Variants in HCN1 observed in about 807,000 individuals in gnomAD.
The protein encoded by HCN1 is hyperpolarization activated cyclic nucleotide gated potassium channel 1.
A neutral mutation model predicts 78.9 loss-of-function variants in HCN1; 13 were observed. That is an observed-to-expected ratio of 0.16 (90% confidence interval 0.11 to 0.26). HCN1 has a LOEUF of 0.26. HCN1 is among the 10% of genes least tolerant of loss of function. The pLI is 1.00. For missense variants in HCN1, 810 were observed against 1,154.3 expected, an observed-to-expected ratio of 0.70 and a Z score of 4.32; for synonymous variants, 552 against 455.5, an observed-to-expected ratio of 1.21 and a Z score of -2.70.
At chr5:45,684,577 T>A (rs533854659) in intron 1 of HCN1, among the ~76,000 whole-genome samples, 3 of 152,220 alleles carry the variant, frequency 2.0e-5, no homozygotes, top group African/African-American at 7.2e-5. Context: ...ACTAATCAAA[T>A]AGGCCAGGCA....
chr5:45,498,280 C>A lies in HCN1; in HGVS notation c.850-36273G>T, dbSNP rs532767290. On this transcript the variant is annotated intron_variant, in intron 2 of 7. Coordinates refer to ENST00000303230, the MANE Select transcript of HCN1 (RefSeq NM_021072.4). Reference sequence around the variant, plus strand: ...TCCCATATTTCTTGGAGGCTTTGCTCGTTTCTTTTTATTCTTTTTTCTCTA... The same window carrying A: ...TCCCATATTTCTTGGAGGCTTTGCTAGTTTCTTTTTATTCTTTTTTCTCTA... Among the ~76,000 whole-genome samples the A allele has an allele frequency of 3.5e-4, 53 of 152,104 alleles. 1 individual carries two copies. Among genetic ancestry groups the A allele is most frequent in the Non-Finnish European group, 2.1e-4 (14 of 68,032 alleles).
At chr5:45,496,061 T>C (rs1250910964) in intron 2 of HCN1, among the ~76,000 whole-genome samples, 1 of 152,164 alleles carries the variant, frequency 6.6e-6, no homozygotes, top group African/African-American at 2.4e-5. Context: ...TCTAAAATTC[T>C]CTTTTTTGGT....
At position 45,694,099 on chromosome 5, in the gene HCN1, T is replaced by A. The variant is rs1338390890; in HGVS notation, c.425+1570A>T. On this transcript the variant is annotated intron_variant, in intron 1 of 7. Transcript: ENST00000303230. ...ATACATCTTAGAACAGGGTCATTTA[T>A]AAGTTTGCTTCCCTATCTTCCTACT... is the stretch of plus-strand genomic sequence containing the variant. 2.0e-5 allele frequency among the ~76,000 whole-genome samples: 3 copies of A among 152,330 alleles called. No homozygotes were observed. In the East Asian group the frequency reaches 5.8e-4, roughly 29 times the overall value.
chr5:45,669,783 C>T (rs1479840083), intron 1 of HCN1, among the ~76,000 whole-genome samples: 3 of 151,712 alleles, frequency 2.0e-5, no homozygotes, highest in Admixed American at 1.3e-4. Flanking sequence ...AAATTGCAAA[C>T]AGTGAACAAC....
chr5:45,428,866 A>G (rs1226015360), intron 3 of HCN1, among the ~76,000 whole-genome samples: 2 of 152,122 alleles, frequency 1.3e-5, no homozygotes, highest in Non-Finnish European at 2.9e-5. Flanking sequence ...TATATATTAT[A>G]CACAATATAA....
intron 5 of HCN1, among the ~76,000 whole-genome samples, chr5:45,328,599 C>A (rs1371428657): frequency 2.0e-5 from 3 of 151,638 alleles, no homozygotes; most frequent in Admixed American, 1.3e-4. Flanking sequence ...GTGACTCAAG[C>A]ATTGTGGCTC....
At chr5:45,566,857 G>T (rs1743717966) in intron 2 of HCN1, among the ~76,000 whole-genome samples, 1 of 152,120 alleles carries the variant, frequency 6.6e-6, no homozygotes, top group Admixed American at 6.5e-5. Context: ...CTTTATAAAA[G>T]CAGAAAACTT....
At chr5:45,577,491 A>G (rs1205952537) in intron 2 of HCN1, among the ~76,000 whole-genome samples, 1 of 152,148 alleles carries the variant, frequency 6.6e-6, no homozygotes, top group Non-Finnish European at 1.5e-5. Context: ...AACTTAAAAC[A>G]TATTTTCATA....
chr5:45,284,994 G>A (rs1745239420), intron 6 of HCN1, among the ~76,000 whole-genome samples: 1 of 152,012 alleles, frequency 6.6e-6, no homozygotes, highest in African/African-American at 2.4e-5. Flanking sequence ...TAATGGTGGG[G>A]GAAATGCTAC....
chr5:45,514,286 C>G lies in HCN1; in HGVS notation c.850-52279G>C, dbSNP rs1010327093. Among the ~76,000 whole-genome samples, 3 of 152,052 alleles carry G rather than the reference C, an allele frequency of 2.0e-5. No homozygotes were observed. The East Asian group carries it at 5.8e-4, about 29-fold the overall frequency. ...TATTTTTAAAAGTCTACCTCAAACA[C>G]ATTGCGCTGTCTTTCCTAATATTTC... On this transcript the variant is annotated intron_variant, in intron 2 of 7. Coordinates refer to ENST00000303230, the MANE Select transcript of HCN1 (RefSeq NM_021072.4).
intron 5 of HCN1, among the ~76,000 whole-genome samples, chr5:45,308,791 G>C (rs1422161750): frequency 6.6e-6 from 1 of 152,014 alleles, no homozygotes; most frequent in Non-Finnish European, 1.5e-5. Flanking sequence ...GTTTGAAGTT[G>C]TGTAGCATGA....
chr5:45,383,009 T>C (rs1223894647), intron 4 of HCN1, among the ~76,000 whole-genome samples: 12 of 152,148 alleles, frequency 7.9e-5, no homozygotes, highest in Non-Finnish European at 7.4e-5. Flanking sequence ...GATCTCTATA[T>C]AGGAGGTTTG....
chr5:45,372,633 C>T (rs1267005681), intron 4 of HCN1, among the ~76,000 whole-genome samples: 4 of 105,750 alleles, frequency 3.8e-5, no homozygotes, highest in African/African-American at 9.6e-5. Context: ...ATATATAAAA[C>T]ATTTTATATA....
chr5:45,405,553 G>A (rs983805704), intron 3 of HCN1, among the ~76,000 whole-genome samples: 3 of 151,970 alleles, frequency 2.0e-5, no homozygotes, highest in African/African-American at 2.4e-5. Context: ...GACTATACAC[G>A]TGCACCAACA....
rs910348139 is a variant in HCN1, at chr5:45,259,250, T to C, written c.*2671A>G. 1 of 151,916 alleles carries C rather than the reference T, an allele frequency of 6.6e-6. No homozygotes were observed. Among genetic ancestry groups the C allele is most frequent in the Admixed American group, 6.6e-5 (1 of 15,252 alleles). 9.4% of individuals were successfully genotyped at this position (151,916 alleles called of 1,614,324 possible). ...TGATAAAATAAAATATTCATGATTGTAGTTTATTTTTTGTTGAATTTATTA... is the reference window on the plus strand; with the variant it reads ...TGATAAAATAAAATATTCATGATTGCAGTTTATTTTTTGTTGAATTTATTA... On this transcript the variant is annotated 3_prime_UTR_variant, in exon 8 of 8. Coordinates refer to ENST00000303230, the MANE Select transcript of HCN1 (RefSeq NM_021072.4).
intron 2 of HCN1, among the ~76,000 whole-genome samples, chr5:45,604,972 T>C (rs1744696954): frequency 6.6e-6 from 1 of 152,034 alleles, no homozygotes; most frequent in African/African-American, 2.4e-5. Context: ...TCTCAGCAAA[T>C]ATGCAAATCT....
intron 5 of HCN1, among the ~76,000 whole-genome samples, chr5:45,312,427 C>T (rs1332617222): frequency 6.6e-6 from 1 of 152,168 alleles, no homozygotes; most frequent in Non-Finnish European, 1.5e-5. Flanking sequence ...CAGTCTACAG[C>T]TCCCAGTGTG....
rs1370650933 is a variant in HCN1 at position 45,696,317 on chromosome 5, G to T, written c.-224C>A. On this transcript the variant is annotated 5_prime_UTR_variant, in exon 1 of 8. Coordinates refer to ENST00000303230, the MANE Select transcript of HCN1 (RefSeq NM_021072.4). ...CCGCTGCCCTTAGTGGCTGCGGTCC[G>T]GGCTCCGGTGCGGCTGGTGCTGAAG... is the stretch of plus-strand genomic sequence containing the variant. 1 of 158,566 alleles carries T rather than the reference G, an allele frequency of 6.3e-6. No homozygotes were observed. Among genetic ancestry groups the T allele is most frequent in the Non-Finnish European group, 1.4e-5 (1 of 72,646 alleles). 9.8% of individuals were successfully genotyped at this position (158,566 alleles called of 1,614,324 possible).
intron 4 of HCN1, among the ~76,000 whole-genome samples, chr5:45,372,072 T>TATAATATAATTATATATTATA (rs1561127858): frequency 4.2e-5 from 2 of 47,612 alleles, no homozygotes; most frequent in African/African-American, 2.5e-4. Context: ...ATATTATATA[T>TATAATATAATTATATATTATA]TATATATAAT....
Sources: gnomAD v4.1 joint callset for allele counts (sites outside exome capture counted in the v4.1 genomes callset) on GRCh38, gnomAD v4.1.1 for gene constraint, MANE v1.5 for transcripts, NCBI Gene and HGNC (gene_info 2026-07-23, HGNC 2026-07-21) for gene names.